GPHN: variants seen among roughly 807,000 people sequenced by gnomAD.
GPHN encodes gephyrin.
In GPHN, 17 loss-of-function variants were observed where a neutral mutation model predicts 95.5. That is an observed-to-expected ratio of 0.18 (90% CI 0.12 to 0.27). The LOEUF (loss-of-function observed/expected upper bound fraction) is 0.27, where lower values mean the gene tolerates loss of function less well. GPHN is among the 10% of genes least tolerant of loss of function. GPHN has a pLI of 1.00. For synonymous variants in GPHN, 320 were observed against 322.5 expected (o/e 0.99, Z 0.08); for missense variants, 660 against 978.1 (o/e 0.67, Z 4.34).
At chr14:67,567,139 C>T in the GPHN span, among the ~76,000 whole-genome samples, 9 of 112,966 alleles carry the variant, frequency 8.0e-5, no homozygotes, top group East Asian at 3.2e-3. Flanking sequence ...CATGATCACT[C>T]GTGTTCCGTG....
the GPHN span, among the ~76,000 whole-genome samples, chr14:67,635,099 C>T: frequency 1.3e-5 from 2 of 152,146 alleles, no homozygotes; most frequent in African/African-American, 4.8e-5. Context: ...TATAAATTAG[C>T]CAGGTATGGT....
chr14:67,058,405 T>G (rs1046439307), intron 10 of GPHN, among the ~76,000 whole-genome samples: 1 of 152,222 alleles, frequency 6.6e-6, no homozygotes, highest in African/African-American at 2.4e-5. Context: ...GGGTAGTGCC[T>G]TTAAGTCAGT....
the GPHN span, chr14:67,583,932 G>A: frequency 3.1e-6 from 5 of 1,611,876 alleles, no homozygotes; most frequent in East Asian, 6.7e-5. Context: ...GGAGGTCTCA[G>A]GCCTGGAATG....
rs949119980 is a variant in GPHN, at chr14:67,115,561, T to G, written c.1626+2390T>G. Among the ~76,000 whole-genome samples, 10 of 152,020 alleles carry G rather than the reference T, an allele frequency of 6.6e-5. No individual in the cohort carries two copies. In the South Asian group the frequency reaches 2.1e-3, roughly 32 times the overall value. ...CAGACTGACCAACATGGTGAAACCC[T>G]GTCTGTACTAAAAATACAAAAAAAT... On this transcript the variant is annotated intron_variant, in intron 16 of 22. Coordinates refer to ENST00000478722, the MANE Select transcript of GPHN (RefSeq NM_020806.5).
At chr14:67,489,525 T>C in the GPHN span, among the ~76,000 whole-genome samples, 2 of 152,188 alleles carry the variant, frequency 1.3e-5, no homozygotes, top group African/African-American at 2.4e-5. Context: ...TTTCAAGCAC[T>C]GTCATCTCTC....
chr14:67,357,970 A>G, the GPHN span, among the ~76,000 whole-genome samples: 1 of 152,236 alleles, frequency 6.6e-6, no homozygotes. Flanking sequence ...ACATATTAAC[A>G]ATTGTAAGCC....
chr14:67,219,245 G>A, the GPHN span, among the ~76,000 whole-genome samples: 1 of 152,208 alleles, frequency 6.6e-6, no homozygotes, highest in Non-Finnish European at 1.5e-5. Context: ...GTTTTTGGTA[G>A]CAATGGGGGC....
At chr14:67,639,304 G>A in the GPHN span, among the ~76,000 whole-genome samples, 1 of 152,152 alleles carries the variant, frequency 6.6e-6, no homozygotes, top group Non-Finnish European at 1.5e-5. Flanking sequence ...CCACTGGATT[G>A]AGCACTTTAA....
At chr14:67,339,025 G>C in the GPHN span, among the ~76,000 whole-genome samples, 17 of 112,086 alleles carry the variant, frequency 1.5e-4, no homozygotes, top group Admixed American at 1.2e-4. Context: ...ATGGAGTCTT[G>C]CTCTGTCGCC....
the GPHN span, among the ~76,000 whole-genome samples, chr14:67,215,105 C>G: frequency 1.2e-4 from 19 of 152,110 alleles, no homozygotes; most frequent in Non-Finnish European, 2.1e-4. Context: ...AATGCACACT[C>G]AGATTTGAGA....
chr14:67,279,113 A>C, the GPHN span: 4 of 1,461,598 alleles, frequency 2.7e-6, no homozygotes, highest in Non-Finnish European at 3.6e-6. Context: ...GAATCAAGAG[A>C]ATTGGCTTAT....
chr14:66,674,540 TAC>T (rs1453128074), intron 1 of GPHN, among the ~76,000 whole-genome samples: 1 of 152,236 alleles, frequency 6.6e-6, no homozygotes. Context: ...TAATGGATAC[TAC>T]ATATGCATGA....
chr14:67,323,613 CTA>C, the GPHN span: 1,586 of 251,364 alleles, frequency 6.3e-3, 3 homozygotes, highest in East Asian at 0.052. Context: ...GTCCCTTAAT[CTA>C]ATATATATAT....
At chr14:67,279,532 T>C in the GPHN span, 3 of 1,525,630 alleles carry the variant, frequency 2.0e-6, no homozygotes, top group Non-Finnish European at 2.6e-6. Flanking sequence ...GCTGTGAAAA[T>C]ATTAGGTAAG....
intron 12 of GPHN, among the ~76,000 whole-genome samples, chr14:67,100,012 A>G (rs1047296742): frequency 6.6e-6 from 1 of 152,106 alleles, no homozygotes; most frequent in African/African-American, 2.4e-5. Context: ...ATCTCCAAGA[A>G]TGTTTCTTCA....
At chr14:67,454,914 C>G in the GPHN span, among the ~76,000 whole-genome samples, 2 of 151,876 alleles carry the variant, frequency 1.3e-5, no homozygotes, top group African/African-American at 4.8e-5. Context: ...CACTCTGTCA[C>G]CCAGGCTAGA....
intron 1 of GPHN, among the ~76,000 whole-genome samples, chr14:66,517,926 C>G (rs894482718): frequency 1.3e-5 from 2 of 151,598 alleles, no homozygotes; most frequent in Non-Finnish European, 2.9e-5. Context: ...GCAAAAAAAG[C>G]AAAAATAAAC....
In GPHN at chr14:66,940,507, A is replaced by AGG. The variant is rs113957571; in HGVS notation, c.828+16219_828+16220dup. On this transcript the variant is annotated intron_variant, in intron 8 of 22. Coordinates refer to ENST00000478722, the MANE Select transcript of GPHN (RefSeq NM_020806.5). ...TAAAGTGGCTTTCACCCATGTTAAC[A>AGG]GGGGGAGCTAAGGGGTGGGAGGTAT... Among the ~76,000 whole-genome samples, 471 of 152,310 alleles carry AGG rather than the reference A, an allele frequency of 3.1e-3. 11 individuals carry two copies. The highest frequency in any genetic ancestry group is 0.011 in the African/African-American group (446 of 41,576).
intron 11 of GPHN, among the ~76,000 whole-genome samples, chr14:67,066,748 G>A (rs901929797): frequency 2.6e-5 from 4 of 152,044 alleles, no homozygotes; most frequent in South Asian, 2.1e-4. Context: ...CATGCCTCCC[G>A]AAGTTCTCGT....
Sources: allele counts gnomAD v4.1 joint callset (sites outside exome capture counted in the v4.1 genomes callset), GRCh38; gene constraint gnomAD v4.1.1; transcripts MANE v1.5; gene names NCBI Gene and HGNC (gene_info 2026-07-23, HGNC 2026-07-21).